ENOX1: variants seen among roughly 807,000 people sequenced by gnomAD.
ENOX1 encodes candidate growth-related and time keeping constitutive hydroquinone (NADH) oxidase.
ENOX1 carries 42 observed loss-of-function variants against 82.5 expected under a neutral mutation model. The ratio of observed to expected loss-of-function variants is 0.51; its 90% CI spans 0.40 to 0.66. ENOX1 has a LOEUF of 0.66. Ranked by LOEUF, ENOX1 falls within the 30% of genes least tolerant of loss-of-function variation. ENOX1 has a pLI of 0.00. For missense variants in ENOX1, 608 were observed against 811.6 expected, an observed-to-expected ratio of 0.75 and a Z score of 3.05; for synonymous variants, 271 against 282.2, an observed-to-expected ratio of 0.96 and a Z score of 0.40.
At chr13:43,627,680 T>C (rs1334603507) in intron 2 of ENOX1, among the ~76,000 whole-genome samples, 2 of 152,120 alleles carry the variant, frequency 1.3e-5, no homozygotes, top group African/African-American at 4.8e-5. Flanking sequence ...TGTTTACCCA[T>C]GTTTACACAT....
intron 1 of ENOX1, among the ~76,000 whole-genome samples, chr13:43,668,700 T>C (rs1324647256): frequency 2.6e-5 from 4 of 152,056 alleles, no homozygotes; most frequent in Non-Finnish European, 5.9e-5. Flanking sequence ...ATAGATCTAA[T>C]AGGGAAAGGT....
At chr13:43,771,201 T>C (rs1320254899) in intron 1 of ENOX1, among the ~76,000 whole-genome samples, 2 of 152,096 alleles carry the variant, frequency 1.3e-5, no homozygotes, top group African/African-American at 2.4e-5. Flanking sequence ...GGCAGAGGCA[T>C]AGACAGAGCA....
intron 2 of ENOX1, among the ~76,000 whole-genome samples, chr13:43,659,129 G>C (rs560564828): frequency 1.1e-4 from 17 of 151,900 alleles, no homozygotes; most frequent in Non-Finnish European, 2.4e-4. Context: ...TATAAATTCT[G>C]TTGTGTTTCA....
chr13:43,417,415 C>T (rs922930699), intron 3 of ENOX1, among the ~76,000 whole-genome samples: 5 of 152,144 alleles, frequency 3.3e-5, no homozygotes, highest in South Asian at 2.1e-4. Flanking sequence ...TAAGTTGATT[C>T]GGTCACTCAT....
At chr13:43,505,398 A>G (rs2077117781) in intron 2 of ENOX1, among the ~76,000 whole-genome samples, 1 of 151,942 alleles carries the variant, frequency 6.6e-6, no homozygotes, top group African/African-American at 2.4e-5. Context: ...AGATTTCTAG[A>G]CTATACCCTA....
At chr13:43,771,541 CT>C (rs770802138) in intron 1 of ENOX1, among the ~76,000 whole-genome samples, 71 of 152,224 alleles carry the variant, frequency 4.7e-4, no homozygotes, top group South Asian at 8.3e-4. Context: ...CTTTGAAAGA[CT>C]TTTGAAAAAC....
At chr13:43,494,405 A>G (rs1449873880) in intron 2 of ENOX1, among the ~76,000 whole-genome samples, 1 of 152,218 alleles carries the variant, frequency 6.6e-6, no homozygotes, top group Non-Finnish European at 1.5e-5. Context: ...TACTGTGTCC[A>G]GCACAGTGAC....
chr13:43,431,239 C>T (rs2055640012), intron 3 of ENOX1, among the ~76,000 whole-genome samples: 1 of 152,178 alleles, frequency 6.6e-6, no homozygotes, highest in Non-Finnish European at 1.5e-5. Flanking sequence ...ACCTTGGCAA[C>T]ATCATTTCCT....
chr13:43,614,047 G>A (rs980636497), intron 2 of ENOX1, among the ~76,000 whole-genome samples: 1 of 152,110 alleles, frequency 6.6e-6, no homozygotes, highest in African/African-American at 2.4e-5. Context: ...TAAAAGGTGG[G>A]GCAACAGGGC....
intron 3 of ENOX1, among the ~76,000 whole-genome samples, chr13:43,418,641 G>A (rs969935265): frequency 6.6e-6 from 1 of 152,196 alleles, no homozygotes; most frequent in Non-Finnish European, 1.5e-5. Context: ...AGAGATTCAT[G>A]ACCAATTATG....
chr13:43,351,294 A>G (rs769579804), intron 8 of ENOX1, among the ~76,000 whole-genome samples: 7 of 152,238 alleles, frequency 4.6e-5, no homozygotes, highest in Non-Finnish European at 7.3e-5. Flanking sequence ...CACACATGCA[A>G]TCTCCTTAAC....
chr13:43,622,727 G>A (rs536481598), intron 2 of ENOX1, among the ~76,000 whole-genome samples: 2 of 152,210 alleles, frequency 1.3e-5, no homozygotes, highest in Admixed American at 6.5e-5. Flanking sequence ...TTTTTGTGCT[G>A]GTTAGCCTCC....
intron 9 of ENOX1, among the ~76,000 whole-genome samples, chr13:43,328,842 A>G (rs1239446172): frequency 6.6e-6 from 1 of 152,224 alleles, no homozygotes; most frequent in Non-Finnish European, 1.5e-5. Flanking sequence ...TCATTCAACA[A>G]ACATCTGGAT....
At chr13:43,569,861 G>T (rs1457834578) in intron 2 of ENOX1, among the ~76,000 whole-genome samples, 1 of 152,106 alleles carries the variant, frequency 6.6e-6, no homozygotes, top group Admixed American at 6.6e-5. Context: ...TGAAAACCCA[G>T]TTCATAATCA....
chr13:43,346,490 C>T (rs2049388190), intron 8 of ENOX1, among the ~76,000 whole-genome samples: 1 of 152,192 alleles, frequency 6.6e-6, no homozygotes, highest in Non-Finnish European at 1.5e-5. Flanking sequence ...GAATGACAGA[C>T]TCAAGTTTCC....
At chr13:43,535,844 C>T (rs2078436711) in intron 2 of ENOX1, among the ~76,000 whole-genome samples, 2 of 152,098 alleles carry the variant, frequency 1.3e-5, no homozygotes, top group South Asian at 4.1e-4. Context: ...GATACAGTTC[C>T]ACTCCTTGTT....
intron 3 of ENOX1, among the ~76,000 whole-genome samples, chr13:43,483,015 G>C (rs892088733): frequency 1.3e-5 from 2 of 152,108 alleles, no homozygotes; most frequent in African/African-American, 4.8e-5. Context: ...CAGCACTACA[G>C]TAACATCTAC....
At chr13:43,328,933 C>A (rs1420302416) in intron 9 of ENOX1, among the ~76,000 whole-genome samples, 1 of 152,104 alleles carries the variant, frequency 6.6e-6, no homozygotes, top group East Asian at 1.9e-4. Context: ...CAATCATAGT[C>A]TCGGAAGAGA....
intron 5 of ENOX1, among the ~76,000 whole-genome samples, chr13:43,391,499 C>T (rs1480870758): frequency 6.6e-6 from 1 of 152,138 alleles, no homozygotes; most frequent in Non-Finnish European, 1.5e-5. Flanking sequence ...GAGCTCCAAC[C>T]CGGGAAGTAC....
Sources: gnomAD v4.1 joint callset for allele counts (sites outside exome capture counted in the v4.1 genomes callset) on GRCh38, gnomAD v4.1.1 for gene constraint, MANE v1.5 for transcripts, NCBI Gene and HGNC (gene_info 2026-07-23, HGNC 2026-07-21) for gene names.